The following ATP2B1 variants were observed in gnomAD, a reference collection of about 807,000 sequenced individuals.
The protein encoded by ATP2B1 is plasma membrane calcium-transporting ATPase 1.
ATP2B1 carries 14 observed loss-of-function variants against 124.2 expected under a neutral mutation model. The ratio of observed to expected loss-of-function variants is 0.11; its 90% CI spans 0.07 to 0.18. The LOEUF (loss-of-function observed/expected upper bound fraction) is 0.18, where lower values mean the gene tolerates loss of function less well. Among genes scored for constraint, ATP2B1 ranks in the 10% least tolerant of loss-of-function variants. The pLI is 1.00. For missense variants in ATP2B1, 763 were observed against 1,466.1 expected, an observed-to-expected ratio of 0.52 and a Z score of 7.83; for synonymous variants, 449 against 492.4, an observed-to-expected ratio of 0.91 and a Z score of 1.17.
At chr12:89,700,580 A>G (rs762245497) in intron 1 of ATP2B1, among the ~76,000 whole-genome samples, 1 of 152,218 alleles carries the variant, frequency 6.6e-6, no homozygotes, top group Non-Finnish European at 1.5e-5. Context: ...GGGAGAATGG[A>G]GTATATGTCA....
chr12:89,655,727 C>G lies in ATP2B1; in HGVS notation c.160G>C (p.Gly54Arg). Residue 54 changes from glycine (G) to arginine (R), a missense_variant, in exon 2 of 21, where the codon GGA (glycine) becomes CGA (arginine). Transcript: ENST00000428670. ...TTGGTGCAAATTCCATAGACATCTCCATAGCTTTCCTGTATTTTTCGTAAT... is the reference window on the plus strand; with the variant it reads ...TTGGTGCAAATTCCATAGACATCTCGATAGCTTTCCTGTATTTTTCGTAAT... ...DALRKIQESY[G>R]DVYGICTKLK... The G allele has an allele frequency of 6.2e-7, 1 of 1,614,122 alleles. No homozygotes were observed. Among genetic ancestry groups the G allele is most frequent in the Non-Finnish European group, 8.5e-7 (1 of 1,179,996 alleles).
chr12:89,634,880 T>C lies in ATP2B1; in HGVS notation c.685A>G (p.Ile229Val), dbSNP rs1882442047. The C allele has an allele frequency of 1.9e-6, 3 of 1,612,824 alleles. No individual in the cohort carries two copies. Among genetic ancestry groups the C allele is most frequent in the South Asian group, 2.2e-5 (2 of 90,858 alleles). Residue 229 changes from isoleucine (I) to valine (V), a missense_variant, in exon 5 of 21, where the codon ATA (isoleucine) becomes GTA (valine). By Grantham distance (29) the Ile-to-Val change is conservative. Coordinates refer to ENST00000428670, the MANE Select transcript of ATP2B1 (RefSeq NM_001366521.1). ...KYGDLLPADGILIQGNDLKID... is the reference protein window; with the variant it reads ...KYGDLLPADGVLIQGNDLKID... ...TTAAGATCGTTGCCTTGAATAAGTA[T>C]GCCGTCAGCTGGAAGAAGATCACCT...
chr12:89,693,578 G>A (rs1890781414), intron 1 of ATP2B1, among the ~76,000 whole-genome samples: 1 of 145,738 alleles, frequency 6.9e-6, no homozygotes, highest in Admixed American at 7.0e-5. Context: ...TGCCTATTAA[G>A]TTTTGTGAAT....
chr12:89,591,201 T>C lies in ATP2B1; in HGVS notation c.3446A>G (p.Glu1149Gly). The C allele has an allele frequency of 6.2e-7, 1 of 1,613,258 alleles. No individual in the cohort carries two copies. Among genetic ancestry groups the C allele is most frequent in the South Asian group, 1.1e-5 (1 of 91,074 alleles). ...AGGCTCTGAATCTTCTATCCTAAAC[T>C]CAGGATGTGTCATAAAGTTGTGAAT... is the stretch of plus-strand genomic sequence containing the variant. ...SSIHNFMTHP[E>G]FRIEDSEPHI... is the part of the protein sequence containing the mutation. Residue 1149 changes from glutamate (E) to glycine (G), a missense_variant, in exon 21 of 21, where the codon GAG becomes GGG. Around this residue, in one of 7 missense-constraint regions of ATP2B1, gnomAD observed 97 missense variants for 94.7 expected, o/e 1.02. Coordinates refer to ENST00000428670, the MANE Select transcript of ATP2B1 (RefSeq NM_001366521.1).
chr12:89,604,835 C>A (rs1478372182), intron 15 of ATP2B1, among the ~76,000 whole-genome samples: 2 of 150,798 alleles, frequency 1.3e-5, no homozygotes, highest in Non-Finnish European at 3.0e-5. Flanking sequence ...AGAAGTAGCC[C>A]CCTTTCCCCC....
chr12:89,653,057 A>C (rs1260970413), intron 2 of ATP2B1, among the ~76,000 whole-genome samples: 1 of 152,146 alleles, frequency 6.6e-6, no homozygotes, highest in South Asian at 2.1e-4. Flanking sequence ...CTGTAAATAT[A>C]AGTATAATGC....
chr12:89,671,127 T>C (rs1023003955), intron 1 of ATP2B1, among the ~76,000 whole-genome samples: 8 of 152,086 alleles, frequency 5.3e-5, no homozygotes, highest in African/African-American at 1.7e-4. Context: ...AGCAATTTCA[T>C]AGAGCTCAAC....
At chr12:89,667,614 G>A (rs1164921092) in intron 1 of ATP2B1, among the ~76,000 whole-genome samples, 1 of 152,118 alleles carries the variant, frequency 6.6e-6, no homozygotes, top group African/African-American at 2.4e-5. Flanking sequence ...AGTCCCAAAG[G>A]TATCTGAGTA....
At chr12:89,622,164 T>C (rs1344211121) in intron 9 of ATP2B1, among the ~76,000 whole-genome samples, 2 of 152,074 alleles carry the variant, frequency 1.3e-5, no homozygotes, top group African/African-American at 4.8e-5. Flanking sequence ...ACAGTGGTAC[T>C]TATAGTAGTG....
At chr12:89,696,592 A>G (rs1891162913) in intron 1 of ATP2B1, among the ~76,000 whole-genome samples, 1 of 152,234 alleles carries the variant, frequency 6.6e-6, no homozygotes. Flanking sequence ...AAAAACCATT[A>G]AAGTGTTAAA....
intron 1 of ATP2B1, among the ~76,000 whole-genome samples, chr12:89,683,134 T>C (rs1389033167): frequency 1.3e-5 from 2 of 152,232 alleles, no homozygotes; most frequent in Admixed American, 6.5e-5. Flanking sequence ...TCTCTCATCA[T>C]TCACATTAAT....
Position 89,604,358 on chromosome 12 carries a change from A to G in ATP2B1, c.2443-12T>C. 6.4e-7 allele frequency: 1 copy of G among 1,573,742 alleles called. No individual in the cohort carries two copies. Among genetic ancestry groups the G allele is most frequent in the Non-Finnish European group, 8.6e-7 (1 of 1,163,972 alleles). On this transcript the variant is annotated splice_polypyrimidine_tract_variant and intron_variant, in intron 15 of 20. Coordinates refer to ENST00000428670, the MANE Select transcript of ATP2B1 (RefSeq NM_001366521.1). ...GTTCCAGCAATACCCTGTTAAAAAA[A>G]ATTTTGTGAATTAGACTAAATGTTT...
chr12:89,600,734 T>C (rs1183441541), intron 19 of ATP2B1, among the ~76,000 whole-genome samples: 1 of 151,674 alleles, frequency 6.6e-6, no homozygotes, highest in Non-Finnish European at 1.5e-5. Context: ...CTGCAACCTC[T>C]GCCTCCTGGG....
intron 15 of ATP2B1, among the ~76,000 whole-genome samples, chr12:89,606,279 TA>T (rs1307453060): frequency 6.6e-6 from 1 of 152,092 alleles, no homozygotes; most frequent in Non-Finnish European, 1.5e-5. Flanking sequence ...AGCCTTATAT[TA>T]AAAAAATCAA....
At chr12:89,697,329 T>C (rs1021573034) in intron 1 of ATP2B1, among the ~76,000 whole-genome samples, 1 of 152,054 alleles carries the variant, frequency 6.6e-6, no homozygotes, top group African/African-American at 2.4e-5. Flanking sequence ...TTCTATATAA[T>C]AAAGAAATGA....
intron 1 of ATP2B1, among the ~76,000 whole-genome samples, chr12:89,695,314 C>A (rs1429183179): frequency 1.3e-5 from 2 of 152,052 alleles, no homozygotes; most frequent in Non-Finnish European, 2.9e-5. Context: ...AGAAGGAACA[C>A]CAGACACACT....
intron 1 of ATP2B1, among the ~76,000 whole-genome samples, chr12:89,678,991 C>A (rs1889019476): frequency 6.6e-6 from 1 of 151,924 alleles, no homozygotes; most frequent in South Asian, 2.1e-4. Flanking sequence ...ATTGTTACTT[C>A]TATGTTTTCT....
chr12:89,629,330 C>T (rs750560814), intron 6 of ATP2B1, among the ~76,000 whole-genome samples: 1 of 152,232 alleles, frequency 6.6e-6, no homozygotes, highest in Non-Finnish European at 1.5e-5. Flanking sequence ...TAAGTCTTTA[C>T]TTTGTACAGT....
chr12:89,675,578 C>T (rs184179118), intron 1 of ATP2B1, among the ~76,000 whole-genome samples: 16 of 152,264 alleles, frequency 1.1e-4, no homozygotes, highest in African/African-American at 3.8e-4. Context: ...ATAAATGGCA[C>T]TGCTAGAAAA....
Sources: gnomAD v4.1 joint callset for allele counts (sites outside exome capture counted in the v4.1 genomes callset) on GRCh38, gnomAD v4.1.1 for gene constraint, gnomAD v4.1.1 regional missense constraint, MANE v1.5 for transcripts, NCBI Gene and HGNC (gene_info 2026-07-23, HGNC 2026-07-21) for gene names.